RIMS1: variants seen among roughly 807,000 people sequenced by gnomAD.
RIMS1 encodes regulating synaptic membrane exocytosis protein 1.
Under a neutral mutation model 214.1 loss-of-function variants are expected in RIMS1, and 83 were observed. That is an observed-to-expected ratio of 0.39 (90% confidence interval 0.32 to 0.47). RIMS1 has a LOEUF of 0.47. Among genes scored for constraint, RIMS1 ranks in the 20% least tolerant of loss-of-function variants. The pLI is 0.99. For synonymous variants in RIMS1, 793 were observed against 786.8 expected, an observed-to-expected ratio of 1.01 and a Z score of -0.13; for missense variants, 2,050 against 2,161.8, an observed-to-expected ratio of 0.95 and a Z score of 1.03.
At chr6:71,888,673 T>G (rs917759028) in intron 1 of RIMS1, among the ~76,000 whole-genome samples, 1 of 152,210 alleles carries the variant, frequency 6.6e-6, no homozygotes, top group Non-Finnish European at 1.5e-5. Flanking sequence ...GAGATGTGGC[T>G]GTTAGGTCAC....
chr6:72,032,885 T>G (rs1329448255), intron 2 of RIMS1, among the ~76,000 whole-genome samples: 2 of 152,128 alleles, frequency 1.3e-5, no homozygotes, highest in African/African-American at 4.8e-5. Context: ...CCTAACTCAA[T>G]CTAATAAGAC....
intron 16 of RIMS1, among the ~76,000 whole-genome samples, chr6:72,254,353 T>C (rs1590746654): frequency 1.3e-5 from 2 of 152,280 alleles, no homozygotes; most frequent in East Asian, 3.9e-4. Context: ...AAGGCCATAG[T>C]AATTACACAC....
chr6:71,959,607 CT>C (rs34865380), intron 1 of RIMS1, among the ~76,000 whole-genome samples: 208 of 145,482 alleles, frequency 1.4e-3, no homozygotes, highest in Middle Eastern at 3.6e-3. Context: ...TTTTTTTATC[CT>C]TTTTTTTTTT....
intron 15 of RIMS1, 148 bp downstream of exon 15, chr6:72,251,516 A>G: frequency 1.5e-6 from 1 of 664,782 alleles, no homozygotes; most frequent in Non-Finnish European, 2.4e-6. Flanking sequence ...ACTTGGCAAA[A>G]CTGTTTCTAC....
At chr6:71,941,491 T>G (rs1786129123) in intron 1 of RIMS1, among the ~76,000 whole-genome samples, 1 of 152,212 alleles carries the variant, frequency 6.6e-6, no homozygotes, top group Non-Finnish European at 1.5e-5. Context: ...TCATTTTTGA[T>G]GATTGATGTA....
intron 1 of RIMS1, among the ~76,000 whole-genome samples, chr6:71,914,150 A>G (rs1777689727): frequency 6.6e-6 from 1 of 152,164 alleles, no homozygotes; most frequent in East Asian, 1.9e-4. Context: ...AGTGACTTGT[A>G]TATTTCTTTG....
At chr6:71,933,642 C>A (rs1026236719) in intron 1 of RIMS1, among the ~76,000 whole-genome samples, 1 of 150,532 alleles carries the variant, frequency 6.6e-6, no homozygotes, top group Non-Finnish European at 1.5e-5. Flanking sequence ...TTTTAGCTGC[C>A]CTACTTCCCT....
In RIMS1 at chr6:72,183,105, G is replaced by A. The variant is rs2048575726; in HGVS notation, c.1634G>A (p.Ser545Asn). 1 of 1,592,104 alleles carries A rather than the reference G, an allele frequency of 6.3e-7. No homozygotes were observed. The highest frequency in any genetic ancestry group is 8.5e-7 in the Non-Finnish European group (1 of 1,170,330). Reference protein sequence around the residue: ...EEGVSTPEYTSCEDVELESES... With the variant: ...EEGVSTPEYTNCEDVELESES... ...GGCGTGTCGACGCCCGAGTACACCA[G>A]CTGCGAGGACGTGGAGCTGGAGAGC... Residue 545 changes from serine (S) to asparagine (N), a missense_variant, in exon 6 of 34, where the codon AGC becomes AAC. Transcript: ENST00000521978.
intron 24 of RIMS1, among the ~76,000 whole-genome samples, chr6:72,287,793 C>T (rs1217394411): frequency 6.6e-6 from 1 of 152,060 alleles, no homozygotes; most frequent in Non-Finnish European, 1.5e-5. Context: ...GGGGTTTCAC[C>T]ATGTTGGTCA....
intron 2 of RIMS1, among the ~76,000 whole-genome samples, chr6:72,092,226 G>C (rs911999593): frequency 6.6e-6 from 1 of 152,062 alleles, no homozygotes; most frequent in Non-Finnish European, 1.5e-5. Flanking sequence ...TAGATTTTAA[G>C]GACGTAGGAG....
intron 29 of RIMS1, among the ~76,000 whole-genome samples, chr6:72,374,723 G>A (rs1205493503): frequency 3.3e-5 from 5 of 152,226 alleles, no homozygotes; most frequent in Middle Eastern, 3.4e-3. Flanking sequence ...GGGGGAGGAT[G>A]ATTTCAGGAT....
Position 72,307,248 on chromosome 6 carries a change from G to A in RIMS1, c.3851-10G>A. The A allele has an allele frequency of 1.9e-6, 3 of 1,573,450 alleles. No homozygotes were observed. The South Asian group carries it at 3.5e-5, about 18-fold the overall frequency. ...ATGTTTTAATAGGCTTCCATTATGT[G>A]TTTTTGCAGCAAGCTTAGTAGTGGA... On this transcript the variant is annotated splice_polypyrimidine_tract_variant and intron_variant, in intron 26 of 33. Transcript: ENST00000521978.
chr6:72,087,679 T>C (rs113800787), intron 2 of RIMS1, among the ~76,000 whole-genome samples: 32 of 152,360 alleles, frequency 2.1e-4, no homozygotes, highest in African/African-American at 7.5e-4. Context: ...TTACTTTGAC[T>C]GGACCACTTC....
In RIMS1 at chr6:72,195,742, G is replaced by A. The variant is rs372545367; in HGVS notation, c.1678+12593G>A. Among the ~76,000 whole-genome samples, 170 of 152,208 alleles carry A rather than the reference G, an allele frequency of 1.1e-3. 1 individual carries two copies. Among genetic ancestry groups the A allele is most frequent in the African/African-American group, 4.0e-3 (166 of 41,532 alleles). The stretch of plus-strand genomic sequence containing the variant: ...CACATAGTGCTTATAATTTTGACTA[G>A]AAGTGTATTAGTCCATTCTCTTACT... On this transcript the variant is annotated intron_variant, in intron 6 of 33. Coordinates refer to ENST00000521978, the MANE Select transcript of RIMS1 (RefSeq NM_014989.7).
At chr6:72,392,939 G>A (rs990435381) in intron 31 of RIMS1, 129 bp downstream of exon 31, 4 of 658,456 alleles carry the variant, frequency 6.1e-6, no homozygotes, top group East Asian at 2.9e-5. Flanking sequence ...GTTACTGTTT[G>A]CAAACAACTA....
chr6:72,026,387 T>C (rs1410311543), intron 2 of RIMS1, among the ~76,000 whole-genome samples: 1 of 151,618 alleles, frequency 6.6e-6, no homozygotes, highest in East Asian at 2.0e-4. Context: ...GAACAATGTA[T>C]AAACACCATA....
chr6:72,252,724 A>C (rs1372146328), intron 15 of RIMS1, 37 bp from the exon 16 acceptor site: 1 of 1,529,726 alleles, frequency 6.5e-7, no homozygotes, highest in African/African-American at 1.4e-5. Flanking sequence ...TAAACCAACC[A>C]GACACAGAAG....
At chr6:72,112,879 C>A (rs1187748692) in intron 4 of RIMS1, among the ~76,000 whole-genome samples, 1 of 152,166 alleles carries the variant, frequency 6.6e-6, no homozygotes, top group Non-Finnish European at 1.5e-5. Flanking sequence ...TCAGTGCCAA[C>A]AAACTTGCCT....
rs551819778 is a variant in RIMS1 at position 72,159,852 on chromosome 6, A to C, written c.472-19723A>C. ...GTCTCCAGCTTTGTTCTTTTGGCTA[A>C]GGATTGACTTGGCAATGCGGGCTCT... On this transcript the variant is annotated intron_variant, in intron 4 of 33. Coordinates refer to ENST00000521978, the MANE Select transcript of RIMS1 (RefSeq NM_014989.7). Among the ~76,000 whole-genome samples the C allele has an allele frequency of 3.6e-4, 51 of 140,252 alleles. 4 individuals carry two copies. The highest frequency in any genetic ancestry group is 1.2e-3 in the African/African-American group (50 of 40,690). The allele number at this position is 140,252 out of a possible 152,430, so 92.0% of individuals were successfully genotyped here. A position where few individuals can be genotyped will look rare whatever the true frequency, so the allele number is the denominator to read the frequency against.
Sources: gnomAD v4.1 joint callset for allele counts (sites outside exome capture counted in the v4.1 genomes callset) on GRCh38, gnomAD v4.1.1 for gene constraint, MANE v1.5 for transcripts, NCBI Gene and HGNC (gene_info 2026-07-23, HGNC 2026-07-21) for gene names.